RFX2: variants seen among roughly 807,000 people sequenced by gnomAD.
RFX2 encodes regulatory factor X2.
In RFX2, 20 loss-of-function variants were observed where a neutral mutation model predicts 87.8. The ratio of observed to expected loss-of-function variants is 0.23; its 90% CI spans 0.16 to 0.33. RFX2 has a LOEUF of 0.33. RFX2 is among the 10% of genes least tolerant of loss of function. The pLI, the probability that RFX2 is intolerant of heterozygous loss-of-function variation, is 1.00. For missense variants in RFX2, 767 were observed against 1,012.3 expected, an observed-to-expected ratio of 0.76 and a Z score of 3.29; for synonymous variants, 397 against 431.3, an observed-to-expected ratio of 0.92 and a Z score of 0.98.
Position 6,044,064 on chromosome 19 carries a change from G to T in RFX2, c.180+129C>A. 4.2e-6 allele frequency: 2 copies of T among 476,344 alleles called. No homozygotes were observed. The highest frequency in any genetic ancestry group is 3.5e-6 in the Non-Finnish European group (1 of 288,812). The allele number at this position is 476,344 out of a possible 1,614,324, so 29.5% of individuals were successfully genotyped here. On this transcript the variant is annotated intron_variant, in intron 3 of 17. Coordinates refer to ENST00000303657, the MANE Select transcript of RFX2 (RefSeq NM_000635.4). The surrounding 1 kb of genome is among the most constrained non-coding windows in gnomAD (Gnocchi z 5.3). ...TGCACAGCTTCTGGAAAAGTCTTTT[G>T]GCTAAGAAACTGAAGCTTACAACAA...
intron 7 of RFX2, among the ~76,000 whole-genome samples, chr19:6,015,044 A>T (rs988364115): frequency 7.2e-5 from 11 of 152,162 alleles, no homozygotes; most frequent in Admixed American, 6.5e-4. Flanking sequence ...GAGAGTTGGC[A>T]TAATTGCCTG....
At position 6,064,305 on chromosome 19, in the gene RFX2, G is replaced by A. The variant is rs1445124454; in HGVS notation, c.-8-16801C>T. On this transcript the variant is annotated intron_variant, in intron 1 of 17. Coordinates refer to ENST00000303657, the MANE Select transcript of RFX2 (RefSeq NM_000635.4). This position sits in a 1 kb window ranked among gnomAD's most constrained non-coding sequence, Gnocchi z 4.8. ...CGGCTTCCTAAGGCATCATGCTTTTGTGTTCTCCTTCTCTTACCAGCCTTT... is the reference window on the plus strand; with the variant it reads ...CGGCTTCCTAAGGCATCATGCTTTTATGTTCTCCTTCTCTTACCAGCCTTT... Among the ~76,000 whole-genome samples the A allele has an allele frequency of 1.3e-5, 2 of 152,208 alleles. No individual in the cohort carries two copies. The highest frequency in any genetic ancestry group is 2.9e-5 in the Non-Finnish European group (2 of 68,030).
chr19:6,094,528 G>A (rs2087993407), intron 1 of RFX2, among the ~76,000 whole-genome samples: 1 of 152,208 alleles, frequency 6.6e-6, no homozygotes, highest in South Asian at 2.1e-4. Flanking sequence ...CTGCACGCCA[G>A]TAAGTAGCCA....
At chr19:6,058,692 T>G (rs188260488) in intron 1 of RFX2, among the ~76,000 whole-genome samples, 6 of 152,184 alleles carry the variant, frequency 3.9e-5, no homozygotes, top group Admixed American at 3.9e-4. Context: ...GAATTCAAAT[T>G]CCTTTTTCTT....
At position 6,044,861 on chromosome 19, in the gene RFX2, G is replaced by A. The variant is rs2087166089; in HGVS notation, c.91-579C>T. Among the ~76,000 whole-genome samples the A allele has an allele frequency of 6.6e-6, 1 of 152,230 alleles. No individual in the cohort carries two copies. The highest frequency in any genetic ancestry group is 2.1e-4 in the South Asian group (1 of 4,830). On this transcript the variant is annotated intron_variant, in intron 2 of 17. Transcript: ENST00000303657. This position sits in a 1 kb window ranked among gnomAD's most constrained non-coding sequence, Gnocchi z 5.3. The stretch of plus-strand genomic sequence containing the variant: ...GAATACTCGAGTCCAGGTGCCCTGT[G>A]TCTGGGTCCCTCGCTCTCTGACCCC...
At chr19:6,000,872 G>A (rs1404542322) in intron 15 of RFX2, among the ~76,000 whole-genome samples, 1 of 152,262 alleles carries the variant, frequency 6.6e-6, no homozygotes, top group Non-Finnish European at 1.5e-5. Context: ...CGTGGGGCCT[G>A]TCAGCCACAG....
chr19:6,033,615 CAAAAA>C (rs34581899), intron 5 of RFX2, among the ~76,000 whole-genome samples: 5 of 60,428 alleles, frequency 8.3e-5, no homozygotes, highest in Non-Finnish European at 1.3e-4. Flanking sequence ...CCCACCTTTG[CAAAAA>C]AAAAAAAAAA....
rs368308379 is a variant in RFX2 at position 6,042,505 on chromosome 19, T to TG, written c.181-383_181-382insC. On this transcript the variant is annotated intron_variant, in intron 3 of 17. Coordinates refer to ENST00000303657, the MANE Select transcript of RFX2 (RefSeq NM_000635.4). ...ACTGTCCCTGGTTTCTGTTTTTTTT[T>TG]TTTGTTTGTTTGTTTGTTTTTTTGC... Among the ~76,000 whole-genome samples the TG allele has an allele frequency of 4.1e-4, 62 of 152,108 alleles. No individual in the cohort carries two copies. The East Asian group carries it at 6.4e-3, about 16-fold the overall frequency.
intron 3 of RFX2, among the ~76,000 whole-genome samples, chr19:6,043,420 G>A (rs540747100): frequency 8.5e-5 from 13 of 152,366 alleles, no homozygotes; most frequent in South Asian, 2.1e-4. Flanking sequence ...CCTGAAGAGC[G>A]GTGCATTCTC....
At position 6,026,154 on chromosome 19, in the gene RFX2, C is replaced by T. The variant is rs185785426; in HGVS notation, c.597+9G>A. On this transcript the variant is annotated intron_variant, in intron 6 of 17. Transcript: ENST00000303657. The surrounding 1 kb of genome is among the most constrained non-coding windows in gnomAD (Gnocchi z 4.5). ...CAGGGACAGGTTGCCAGGTCAGACG[C>T]ACACTTACATGGCTGTTGAGTAAAC... 9 of 1,611,562 alleles carry T rather than the reference C, an allele frequency of 5.6e-6. No individual in the cohort carries two copies. In the Admixed American group the frequency reaches 1.0e-4, roughly 18 times the overall value.
intron 7 of RFX2, among the ~76,000 whole-genome samples, chr19:6,015,517 C>CCCAGT (rs1256042581): frequency 6.6e-6 from 1 of 150,858 alleles, no homozygotes; most frequent in African/African-American, 2.4e-5. Flanking sequence ...GACACAGGGT[C>CCCAGT]TTGCTCTGTC....
rs73547541 is a variant in RFX2 at position 6,007,343 on chromosome 19, G to A, written c.1248-177C>T. On this transcript the variant is annotated intron_variant, in intron 11 of 17. Coordinates refer to ENST00000303657, the MANE Select transcript of RFX2 (RefSeq NM_000635.4). The surrounding 1 kb of genome is among the most constrained non-coding windows in gnomAD (Gnocchi z 8.2). ...CCTCCATGTTGCTCCCGGCGCCTCC[G>A]TGTTTCCCCCTGTCCCTCACTGTCC... Among the ~76,000 whole-genome samples, 5,530 of 152,164 alleles carry A rather than the reference G, an allele frequency of 0.036. 249 individuals carry two copies. The highest frequency in any genetic ancestry group is 0.11 in the African/African-American group (4,422 of 41,470).
intron 1 of RFX2, among the ~76,000 whole-genome samples, chr19:6,067,284 C>T (rs2144822568): frequency 6.6e-6 from 1 of 152,258 alleles, no homozygotes; most frequent in South Asian, 2.1e-4. Context: ...GGAGTTGATA[C>T]CAAATTAAAA....
chr19:6,047,520 G>A lies in RFX2; in HGVS notation c.-8-16C>T. The A allele has an allele frequency of 6.3e-7, 1 of 1,587,650 alleles. No homozygotes were observed. Among genetic ancestry groups the A allele is most frequent in the South Asian group, 1.1e-5 (1 of 87,686 alleles). On this transcript the variant is annotated splice_polypyrimidine_tract_variant and intron_variant, in intron 1 of 17. Transcript: ENST00000303657. The surrounding 1 kb of genome is among the most constrained non-coding windows in gnomAD (Gnocchi z 4.2). ...ATGCTCAGGTCTAAAGAAAGGCGGA[G>A]AGAGATTGGGTGGGCAAGGGCTGCA...
chr19:6,104,183 GC>G (rs1330694061), intron 1 of RFX2, among the ~76,000 whole-genome samples: 1 of 151,854 alleles, frequency 6.6e-6, no homozygotes, highest in Admixed American at 6.6e-5. Flanking sequence ...TCTTTCCCCT[GC>G]CCCATTCATC....
intron 3 of RFX2, 85 bp from the exon 4 acceptor site, chr19:6,042,208 T>C (rs1416909622): frequency 8.4e-7 from 1 of 1,188,284 alleles, no homozygotes; most frequent in African/African-American, 1.5e-5. Context: ...TGTCTTCTAT[T>C]GCCTTTATGA....
intron 1 of RFX2, among the ~76,000 whole-genome samples, chr19:6,053,532 A>G (rs2087291757): frequency 6.6e-6 from 1 of 152,242 alleles, no homozygotes; most frequent in South Asian, 2.1e-4. Flanking sequence ...ATCAACTGTA[A>G]CAAATGTACA....
intron 9 of RFX2, 145 bp from the exon 10 acceptor site, chr19:6,008,369 CTTTTTCTTTT>C: frequency 2.1e-6 from 1 of 469,240 alleles, no homozygotes; most frequent in Non-Finnish European, 3.8e-6. Context: ...CTTTCTTTTT[CTTTTTCTTTT>C]TTTTTTTTTT....
chr19:6,071,539 C>T (rs1042869364), intron 1 of RFX2, among the ~76,000 whole-genome samples: 2 of 152,134 alleles, frequency 1.3e-5, no homozygotes, highest in African/African-American at 4.8e-5. Flanking sequence ...TTATTCCATC[C>T]GTCATCTCTT....
Sources: gnomAD v4.1 joint callset for allele counts (sites outside exome capture counted in the v4.1 genomes callset) on GRCh38, gnomAD v4.1.1 for gene constraint, Gnocchi (gnomAD v3.1) non-coding constraint, MANE v1.5 for transcripts, NCBI Gene and HGNC (gene_info 2026-07-23, HGNC 2026-07-21) for gene names.